ASXL2: variants seen among roughly 807,000 people sequenced by gnomAD.
ASXL2 encodes ASXL transcriptional regulator 2.
In ASXL2, 23 loss-of-function variants were observed where a neutral mutation model predicts 122.0. The ratio of observed to expected loss-of-function variants is 0.19; its 90% CI spans 0.14 to 0.27. The LOEUF is 0.27. Among genes scored for constraint, ASXL2 ranks in the 10% least tolerant of loss-of-function variants. ASXL2 has a pLI of 1.00. For missense variants in ASXL2, 1,518 were observed against 1,713.8 expected (o/e 0.89, Z 2.02); for synonymous variants, 650 against 637.0 (o/e 1.02, Z -0.31).
At chr2:25,790,154 A>G (rs2088809047) in intron 5 of ASXL2, among the ~76,000 whole-genome samples, 1 of 152,176 alleles carries the variant, frequency 6.6e-6, no homozygotes, top group Non-Finnish European at 1.5e-5. Flanking sequence ...CTGTGACAAG[A>G]TAAGCATGAA....
At chr2:25,806,994 T>C (rs747042978) in intron 3 of ASXL2, among the ~76,000 whole-genome samples, 1 of 152,060 alleles carries the variant, frequency 6.6e-6, no homozygotes, top group Non-Finnish European at 1.5e-5. Flanking sequence ...AAAATAGTGC[T>C]ATAATACTTG....
rs2087723542 is a variant in ASXL2, at chr2:25,735,624, A to AC, written c.*6404_*6405insG. ...TGAACAGTGACAGGAAAGCTGCATTATTTACCCAACTGTGTTTGAAAGGGT... is the reference window on the plus strand; with the variant it reads ...TGAACAGTGACAGGAAAGCTGCATTACTTTACCCAACTGTGTTTGAAAGGGT... On this transcript the variant is annotated 3_prime_UTR_variant, in exon 13 of 13. Coordinates refer to ENST00000435504, the MANE Select transcript of ASXL2 (RefSeq NM_018263.6). 1.3e-5 allele frequency: 2 copies of AC among 152,164 alleles called. No individual in the cohort carries two copies. 9.4% of individuals were successfully genotyped at this position (152,164 alleles called of 1,614,324 possible).
At chr2:25,867,534 C>T (rs776554865) in intron 1 of ASXL2, among the ~76,000 whole-genome samples, 4 of 152,128 alleles carry the variant, frequency 2.6e-5, no homozygotes, top group African/African-American at 4.8e-5. Context: ...ATGTGAAAGA[C>T]GACAAAAGAA....
chr2:25,799,349 C>T (rs1461588751), intron 5 of ASXL2, 36 bp downstream of exon 5: 1 of 1,613,708 alleles, frequency 6.2e-7, no homozygotes, highest in Non-Finnish European at 8.5e-7. Context: ...TGTCCTACAG[C>T]ATTTAGTACT....
At chr2:25,845,150 A>G in intron 2 of ASXL2, 1 of 277,226 alleles carries the variant, frequency 3.6e-6, no homozygotes, top group Non-Finnish European at 7.3e-6. Flanking sequence ...TATGAGAGTA[A>G]TTTTTATCAC....
In ASXL2 at chr2:25,751,304, T is replaced by C. The variant is rs771918021; in HGVS notation, c.1143-891A>G. On this transcript the variant is annotated intron_variant, in intron 11 of 12. Transcript: ENST00000435504. Reference sequence around the variant, plus strand: ...GCTGACAAAAAGTAATAGTTGAAAATAGAAAGACCCACGAACTGTTGTAAT... The same window carrying C: ...GCTGACAAAAAGTAATAGTTGAAAACAGAAAGACCCACGAACTGTTGTAAT... Among the ~76,000 whole-genome samples, 63 of 151,956 alleles carry C rather than the reference T, an allele frequency of 4.1e-4. 1 individual carries two copies. The highest frequency in any genetic ancestry group is 7.2e-4 in the Non-Finnish European group (49 of 67,982).
chr2:25,796,673 C>T (rs2088915023), intron 5 of ASXL2, among the ~76,000 whole-genome samples: 1 of 152,122 alleles, frequency 6.6e-6, no homozygotes, highest in African/African-American at 2.4e-5. Context: ...AAATGAAAAG[C>T]ATTCTTTTCC....
At position 25,790,992 on chromosome 2, in the gene ASXL2, T is replaced by A. The variant is rs949443711; in HGVS notation, c.403+8393A>T. On this transcript the variant is annotated intron_variant, in intron 5 of 12. Coordinates refer to ENST00000435504, the MANE Select transcript of ASXL2 (RefSeq NM_018263.6). The stretch of plus-strand genomic sequence containing the variant: ...CTGTTTTTTATTTAGAGACAAGGTC[T>A]CACCATGTTGCCCAAGGTGGTCTTG... Among the ~76,000 whole-genome samples the A allele has an allele frequency of 6.6e-5, 10 of 151,770 alleles. No homozygotes were observed. In the East Asian group the frequency reaches 1.9e-3, roughly 30 times the overall value.
Position 25,741,545 on chromosome 2 carries a change from A to G in ASXL2, c.*484T>C. The stretch of plus-strand genomic sequence containing the variant: ...GCAAAGGCTGAATAATCTATGAATA[A>G]CCTGCGGCCAGACTGTCCAGACAAA... On this transcript the variant is annotated 3_prime_UTR_variant, in exon 13 of 13. Transcript: ENST00000435504. 1 of 231,892 alleles carries G rather than the reference A, an allele frequency of 4.3e-6. No individual in the cohort carries two copies. The highest frequency in any genetic ancestry group is 8.5e-6 in the Non-Finnish European group (1 of 117,086). 14.4% of individuals were successfully genotyped at this position (231,892 alleles called of 1,614,324 possible).
At chr2:25,769,126 T>A (rs1004217152) in intron 6 of ASXL2, among the ~76,000 whole-genome samples, 5 of 152,170 alleles carry the variant, frequency 3.3e-5, no homozygotes, top group Non-Finnish European at 5.9e-5. Flanking sequence ...GTTTGGATAG[T>A]TTTTGCCAGT....
intron 3 of ASXL2, among the ~76,000 whole-genome samples, chr2:25,819,874 A>G (rs2089288379): frequency 6.6e-6 from 1 of 152,152 alleles, no homozygotes; most frequent in Admixed American, 6.6e-5. Context: ...CCTTTAGAAA[A>G]TATATTCTGA....
intron 1 of ASXL2, among the ~76,000 whole-genome samples, chr2:25,846,333 A>G (rs1222191235): frequency 2.6e-5 from 4 of 152,108 alleles, no homozygotes; most frequent in African/African-American, 7.2e-5. Flanking sequence ...GGGGTCCTAC[A>G]AGCATGGGAG....
intron 6 of ASXL2, 99 bp downstream of exon 6, chr2:25,771,341 C>T: frequency 9.7e-7 from 1 of 1,035,934 alleles, no homozygotes; most frequent in Non-Finnish European, 1.4e-6. Flanking sequence ...GGCAAGGGCC[C>T]AATGTAAAAA....
intron 10 of ASXL2, among the ~76,000 whole-genome samples, chr2:25,754,470 T>G (rs1198256165): frequency 6.6e-6 from 1 of 152,156 alleles, no homozygotes. Context: ...TAGAGGACCG[T>G]GGACATCACA....
At chr2:25,868,386 T>C (rs2089927124) in intron 1 of ASXL2, among the ~76,000 whole-genome samples, 1 of 152,210 alleles carries the variant, frequency 6.6e-6, no homozygotes, top group South Asian at 2.1e-4. Flanking sequence ...AGCCAAGAAA[T>C]TTTCAAATGA....
At chr2:25,851,834 T>C (rs1210297634) in intron 1 of ASXL2, among the ~76,000 whole-genome samples, 2 of 151,984 alleles carry the variant, frequency 1.3e-5, no homozygotes, top group Non-Finnish European at 2.9e-5. Context: ...GGGGTTGCCA[T>C]GAGCCGAGAT....
At chr2:25,859,233 C>G (rs1315208842) in intron 1 of ASXL2, among the ~76,000 whole-genome samples, 1 of 152,114 alleles carries the variant, frequency 6.6e-6, no homozygotes, top group African/African-American at 2.4e-5. Context: ...CACACCACCA[C>G]ACCCAGCTAA....
chr2:25,869,460 T>G (rs140682847), intron 1 of ASXL2, among the ~76,000 whole-genome samples: 68 of 152,154 alleles, frequency 4.5e-4, no homozygotes, highest in African/African-American at 1.6e-3. Context: ...TAAAAGAAAG[T>G]CTGTCTTAAA....
chr2:25,753,464 T>G (rs2088081428), intron 11 of ASXL2, 70 bp downstream of exon 11: 761 of 1,030,460 alleles, frequency 7.4e-4, no homozygotes, highest in Non-Finnish European at 8.8e-4. Context: ...GAGAAGGTAA[T>G]GAGATAAAGC....
Sources: gnomAD v4.1 joint callset for allele counts (sites outside exome capture counted in the v4.1 genomes callset) on GRCh38, gnomAD v4.1.1 for gene constraint, MANE v1.5 for transcripts, NCBI Gene and HGNC (gene_info 2026-07-23, HGNC 2026-07-21) for gene names.